Variants in KIF21A observed in about 807,000 individuals in gnomAD.
KIF21A encodes the protein kinesin family member 21A.
In KIF21A, 114 loss-of-function variants were observed where a neutral mutation model predicts 202.9. The observed-to-expected ratio is 0.56, with a 90% CI of 0.48 to 0.66. KIF21A has a LOEUF of 0.66. Among genes scored for constraint, KIF21A ranks in the 30% least tolerant of loss-of-function variants. KIF21A has a pLI of 0.00. For missense variants in KIF21A, 1,677 were observed against 1,994.9 expected, an observed-to-expected ratio of 0.84 and a Z score of 3.04; for synonymous variants, 667 against 670.8, an observed-to-expected ratio of 0.99 and a Z score of 0.09.
chr12:39,360,539 A>G (rs1949132245), intron 7 of KIF21A, among the ~76,000 whole-genome samples: 1 of 151,952 alleles, frequency 6.6e-6, no homozygotes, highest in Non-Finnish European at 1.5e-5. Flanking sequence ...ACAGGTGCCC[A>G]CCACCATGCC....
chr12:39,407,981 A>G (rs898091533), intron 1 of KIF21A, among the ~76,000 whole-genome samples: 5 of 152,134 alleles, frequency 3.3e-5, no homozygotes, highest in Non-Finnish European at 5.9e-5. Flanking sequence ...AAAACGTGAC[A>G]AATAGTCAAG....
chr12:39,433,646 T>C (rs949613350), intron 1 of KIF21A, among the ~76,000 whole-genome samples: 1 of 152,178 alleles, frequency 6.6e-6, no homozygotes, highest in Non-Finnish European at 1.5e-5. Context: ...AAAACTACTG[T>C]TAATCTCACA....
At chr12:39,347,567 T>C (rs1948007944) in intron 11 of KIF21A, among the ~76,000 whole-genome samples, 1 of 152,088 alleles carries the variant, frequency 6.6e-6, no homozygotes, top group South Asian at 2.1e-4. Flanking sequence ...CTTTTCATTT[T>C]AATTTCATAA....
Position 39,315,937 on chromosome 12 carries a change from T to C in KIF21A, c.3942A>G (p.Val1314=). The C allele has an allele frequency of 6.2e-7, 1 of 1,605,160 alleles. No individual in the cohort carries two copies. The highest frequency in any genetic ancestry group is 8.5e-7 in the Non-Finnish European group (1 of 1,172,034). The change falls in exon 30 of 38, where the codon GTA becomes GTG. Residue 1314 remains valine, a synonymous_variant. Coordinates refer to ENST00000361418, the MANE Select transcript of KIF21A (RefSeq NM_001173464.2). The part of the protein sequence containing the change: ...SDESDSSLSE[V]HRSSRRGIIN... The stretch of plus-strand genomic sequence containing the variant: ...AAAGGCAGGAAAGAAAGTACCTGTG[T>C]ACCTCCGAGAGAGAGGAGTCACTTT...
At chr12:39,421,282 A>G (rs1490517392) in intron 1 of KIF21A, among the ~76,000 whole-genome samples, 1 of 152,224 alleles carries the variant, frequency 6.6e-6, no homozygotes, top group Non-Finnish European at 1.5e-5. Context: ...TTGTATAAGT[A>G]TACTCTATTA....
chr12:39,352,116 C>A (rs148354868), intron 10 of KIF21A, 136 bp from the exon 11 acceptor site: 11 of 698,806 alleles, frequency 1.6e-5, no homozygotes, highest in Admixed American at 9.9e-5. Flanking sequence ...GTTCTGCAAC[C>A]GTCACCACCA....
intron 1 of KIF21A, among the ~76,000 whole-genome samples, chr12:39,377,713 C>T (rs1420615540): frequency 1.3e-5 from 2 of 152,134 alleles, no homozygotes; most frequent in Non-Finnish European, 2.9e-5. Flanking sequence ...AAGAAACACA[C>T]CTCAGTAACT....
At chr12:39,366,915 T>C (rs1949639843) in intron 5 of KIF21A, 115 bp downstream of exon 5, 8 of 1,028,968 alleles carry the variant, frequency 7.8e-6, no homozygotes, top group Admixed American at 1.8e-5. Context: ...AAAAGGAAAT[T>C]AGAAAAAGGA....
At chr12:39,395,377 C>T (rs1302314611) in intron 1 of KIF21A, among the ~76,000 whole-genome samples, 2 of 152,082 alleles carry the variant, frequency 1.3e-5, no homozygotes, top group Non-Finnish European at 2.9e-5. Flanking sequence ...TCATCCCACC[C>T]ACCCGCTTCT....
chr12:39,342,371 T>C (rs989292106), intron 12 of KIF21A, among the ~76,000 whole-genome samples: 1 of 152,208 alleles, frequency 6.6e-6, no homozygotes, highest in African/African-American at 2.4e-5. Context: ...GAATAGATTA[T>C]GCCCGAAAGC....
At position 39,369,861 on chromosome 12, in the gene KIF21A, A is replaced by C. The variant is rs755059417; in HGVS notation, c.318T>G (p.Ile106Met). The change falls in exon 3 of 38, where the codon ATT becomes ATG. Residue 106 changes from isoleucine to methionine, a missense_variant. By Grantham distance (10) the Ile-to-Met change is conservative. Transcript: ENST00000361418. ...YTMGTGFDVN[I>M]VEEELGIISR... ...AAATAATACCCAGTTCTTCCTCAAC[A>C]ATGTTAACATCAAATCCTGTTCCCA... The C allele has an allele frequency of 5.6e-6, 9 of 1,613,604 alleles. No individual in the cohort carries two copies. The highest frequency in any genetic ancestry group is 7.6e-6 in the Non-Finnish European group (9 of 1,179,704).
intron 3 of KIF21A, among the ~76,000 whole-genome samples, chr12:39,369,356 A>C (rs542344890): frequency 6.6e-6 from 1 of 152,234 alleles, no homozygotes; most frequent in Admixed American, 6.5e-5. Context: ...GGTACTCAGG[A>C]GGCTGAGGCA....
In KIF21A at chr12:39,363,147, T is replaced by C; in HGVS notation, c.970A>G (p.Arg324Gly). 6.2e-7 allele frequency: 1 copy of C among 1,613,440 alleles called. No homozygotes were observed. Among genetic ancestry groups the C allele is most frequent in the Non-Finnish European group, 8.5e-7 (1 of 1,179,512 alleles). The change falls in exon 7 of 38, where the codon AGA becomes GGA. Residue 324 changes from arginine to glycine, a missense_variant. Physicochemically the swap from Arg to Gly is moderately radical, Grantham distance 125. Coordinates refer to ENST00000361418, the MANE Select transcript of KIF21A (RefSeq NM_001173464.2). ...KSKRATHVPY[R>G]DSKLTRLLQD... The stretch of plus-strand genomic sequence containing the variant: ...AGTAGTCTTGTTAGCTTGGAATCTC[T>C]ATAGGGGACATGTGTGGCCCTCTTG...
intron 1 of KIF21A, among the ~76,000 whole-genome samples, chr12:39,417,932 G>C (rs1235074542): frequency 1.3e-5 from 2 of 152,158 alleles, no homozygotes; most frequent in African/African-American, 4.8e-5. Context: ...AATTGGCTGG[G>C]TGCAGTGGCT....
chr12:39,320,833 G>T, intron 27 of KIF21A, among the ~76,000 whole-genome samples: 1 of 149,958 alleles, frequency 6.7e-6, no homozygotes, highest in Non-Finnish European at 1.5e-5. Flanking sequence ...TACTTGGGAG[G>T]CTGAGGCAGG....
chr12:39,432,230 T>C (rs955247547), intron 1 of KIF21A, among the ~76,000 whole-genome samples: 1 of 152,242 alleles, frequency 6.6e-6, no homozygotes, highest in Non-Finnish European at 1.5e-5. Flanking sequence ...TTCATCCTAA[T>C]ACATTGTGTC....
chr12:39,434,561 A>G (rs1337017983), intron 1 of KIF21A, among the ~76,000 whole-genome samples: 1 of 152,180 alleles, frequency 6.6e-6, no homozygotes, highest in African/African-American at 2.4e-5. Flanking sequence ...CTGAGGGAAA[A>G]CCAAATTTAT....
intron 1 of KIF21A, among the ~76,000 whole-genome samples, chr12:39,439,393 G>A (rs1295059191): frequency 6.6e-6 from 1 of 152,082 alleles, no homozygotes; most frequent in Non-Finnish European, 1.5e-5. Context: ...TATAAGAATT[G>A]AAATATTTAC....
At chr12:39,432,566 ATTTAGCATGTTAC>A (rs906685416) in intron 1 of KIF21A, among the ~76,000 whole-genome samples, 143 of 152,246 alleles carry the variant, frequency 9.4e-4, no homozygotes, top group African/African-American at 3.3e-3. Context: ...GGTGTATAAT[ATTTAGCATGTTAC>A]TCAAAATGCC....
Sources: gnomAD v4.1 joint callset for allele counts (sites outside exome capture counted in the v4.1 genomes callset) on GRCh38, gnomAD v4.1.1 for gene constraint, MANE v1.5 for transcripts, NCBI Gene and HGNC (gene_info 2026-07-23, HGNC 2026-07-21) for gene names.